Variants in GIGYF2 observed in about 807,000 individuals in gnomAD.
GIGYF2 encodes GRB10 interacting GYF protein 2.
In GIGYF2, 25 loss-of-function variants were observed where a neutral mutation model predicts 208.1. The ratio of observed to expected loss-of-function variants is 0.12; its 90% CI spans 0.09 to 0.17. The LOEUF is 0.17. Among genes scored for constraint, GIGYF2 ranks in the 10% least tolerant of loss-of-function variants. GIGYF2 has a pLI of 1.00. For synonymous variants in GIGYF2, 534 were observed against 543.8 expected (o/e 0.98, Z 0.25); for missense variants, 1,302 against 1,579.4 (o/e 0.82, Z 2.98).
intron 8 of GIGYF2, among the ~76,000 whole-genome samples, chr2:232,775,562 G>A (rs1377671103): frequency 1.3e-5 from 2 of 152,134 alleles, no homozygotes; most frequent in African/African-American, 4.8e-5. Flanking sequence ...GTGGAAGGTT[G>A]GGAAGGTTTG....
chr2:232,807,652 T>A (rs760831673), intron 15 of GIGYF2, among the ~76,000 whole-genome samples: 9 of 152,254 alleles, frequency 5.9e-5, no homozygotes, highest in Non-Finnish European at 1.3e-4. Context: ...AGTGTTCCTT[T>A]TGGAGGTCTT....
intron 22 of GIGYF2, among the ~76,000 whole-genome samples, chr2:232,837,578 C>T (rs532500132): frequency 8.4e-4 from 128 of 152,238 alleles, no homozygotes; most frequent in South Asian, 1.7e-3. Context: ...GCCTCAGCCT[C>T]CTAAGTAGCT....
At chr2:232,780,465 A>G (rs1243134199) in intron 8 of GIGYF2, among the ~76,000 whole-genome samples, 5 of 152,212 alleles carry the variant, frequency 3.3e-5, no homozygotes, top group African/African-American at 1.2e-4. Flanking sequence ...ATGGAAAAAA[A>G]TACATTTAAA....
At chr2:232,787,128 T>C in intron 8 of GIGYF2, 22 bp from the exon 9 acceptor site, 3 of 1,577,280 alleles carry the variant, frequency 1.9e-6, no homozygotes, top group Non-Finnish European at 2.6e-6. Context: ...CATGTTTACT[T>C]ACCATATTAT....
intron 28 of GIGYF2, 56 bp downstream of exon 28, chr2:232,850,465 A>G: frequency 6.8e-7 from 1 of 1,477,328 alleles, no homozygotes. Context: ...GATACCAGTT[A>G]TCCTGTGTGA....
At chr2:232,846,701 A>C (rs1030523941) in intron 26 of GIGYF2, among the ~76,000 whole-genome samples, 1 of 152,248 alleles carries the variant, frequency 6.6e-6, no homozygotes, top group African/African-American at 2.4e-5. Context: ...TGGAGTTAAC[A>C]TGCAGCATCC....
chr2:232,724,471 A>T (rs1260796772), intron 2 of GIGYF2: 2 of 152,246 alleles, frequency 1.3e-5, no homozygotes, highest in East Asian at 3.9e-4. Context: ...TCCTAACTGC[A>T]TTCTTCAGAT....
At chr2:232,756,387 AACTT>A (rs1343231854) in intron 6 of GIGYF2, 53 bp downstream of exon 6, 3 of 922,684 alleles carry the variant, frequency 3.3e-6, no homozygotes. Flanking sequence ...GAGGATAGAG[AACTT>A]ACTTTTAAAA....
intron 2 of GIGYF2, among the ~76,000 whole-genome samples, chr2:232,704,836 T>G (rs1481592932): frequency 6.7e-6 from 1 of 150,024 alleles, no homozygotes; most frequent in East Asian, 2.0e-4. Flanking sequence ...TGATTGTTTT[T>G]TATAAATTTT....
At chr2:232,815,873 A>G (rs1208733762) in intron 19 of GIGYF2, 136 bp downstream of exon 19, 2 of 675,196 alleles carry the variant, frequency 3.0e-6, no homozygotes, top group East Asian at 5.5e-5. Flanking sequence ...AAGTACATTC[A>G]TATTGTATCT....
intron 2 of GIGYF2, among the ~76,000 whole-genome samples, chr2:232,724,133 C>T (rs896760925): frequency 5.3e-5 from 8 of 151,080 alleles, no homozygotes; most frequent in Non-Finnish European, 8.8e-5. Context: ...CTCTGCCTTC[C>T]GGGTTCAAGT....
chr2:232,826,544 T>C (rs1332193731), intron 21 of GIGYF2, among the ~76,000 whole-genome samples: 1 of 152,196 alleles, frequency 6.6e-6, no homozygotes, highest in Non-Finnish European at 1.5e-5. Context: ...AAATGGTATC[T>C]AATTAAAGAG....
chr2:232,810,030 C>T (rs1160524831), intron 16 of GIGYF2, among the ~76,000 whole-genome samples: 1 of 152,218 alleles, frequency 6.6e-6, no homozygotes, highest in African/African-American at 2.4e-5. Flanking sequence ...CTCTGTCATC[C>T]AGGCTGGAGT....
chr2:232,763,361 A>G (rs1020291373), intron 8 of GIGYF2, among the ~76,000 whole-genome samples: 2 of 152,180 alleles, frequency 1.3e-5, no homozygotes, highest in Non-Finnish European at 2.9e-5. Flanking sequence ...ATACATTTCA[A>G]GACCCCCAGT....
At chr2:232,754,311 T>A (rs1698451190) in intron 5 of GIGYF2, among the ~76,000 whole-genome samples, 1 of 152,194 alleles carries the variant, frequency 6.6e-6, no homozygotes, top group Non-Finnish European at 1.5e-5. Context: ...TTATGAGCAG[T>A]ACTGCAGTTA....
rs1425300500 is a variant in GIGYF2, at chr2:232,847,546, A to G, written c.3659A>G (p.Gln1220Arg). The stretch of plus-strand genomic sequence containing the variant: ...CAGCAGCAGCAGCAGCCGCCACAGC[A>G]GCCGCCACAGCAGCCACAACAGCAG... The part of the protein sequence containing the change: ...PQQQQQQPPQ[Q>R]PPQQPQQQDS... The change falls in exon 27 of 29, where the codon CAG becomes CGG. Residue 1220 changes from glutamine (Q) to arginine (R), a missense_variant. By Grantham distance (43) the Gln-to-Arg change is conservative. Around this residue, in one of 8 missense-constraint regions of GIGYF2, gnomAD observed 701 missense variants for 793.0 expected, o/e 0.88. Coordinates refer to ENST00000373563, the MANE Select transcript of GIGYF2 (RefSeq NM_001103146.3). 1.2e-6 allele frequency: 2 copies of G among 1,610,852 alleles called. No individual in the cohort carries two copies. Among genetic ancestry groups the G allele is most frequent in the Non-Finnish European group, 1.7e-6 (2 of 1,179,644 alleles).
At chr2:232,749,158 TATGC>T in intron 5 of GIGYF2, 76 bp downstream of exon 5, 1 of 808,536 alleles carries the variant, frequency 1.2e-6, no homozygotes, top group Non-Finnish European at 2.2e-6. Flanking sequence ...AGTTACTATT[TATGC>T]TCTAAGGATT....
At chr2:232,766,259 G>A (rs1255529213) in intron 8 of GIGYF2, among the ~76,000 whole-genome samples, 1 of 151,884 alleles carries the variant, frequency 6.6e-6, no homozygotes, top group Non-Finnish European at 1.5e-5. Context: ...GTTTTTTTTG[G>A]CATGTGTAGG....
intron 9 of GIGYF2, 49 bp downstream of exon 9, chr2:232,787,378 G>C: frequency 6.7e-7 from 1 of 1,497,780 alleles, no homozygotes; most frequent in Non-Finnish European, 9.3e-7. Context: ...ATAAGGGAAA[G>C]TTTGATGGAA....
Sources: allele counts gnomAD v4.1 joint callset (sites outside exome capture counted in the v4.1 genomes callset), GRCh38; gene constraint gnomAD v4.1.1; regional missense constraint gnomAD v4.1.1; transcripts MANE v1.5; gene names NCBI Gene and HGNC (gene_info 2026-07-23, HGNC 2026-07-21).